DIAPH2: variants seen among roughly 807,000 people sequenced by gnomAD.
DIAPH2 encodes protein diaphanous homolog 2.
A neutral mutation model predicts 92.7 loss-of-function variants in DIAPH2; 35 were observed. The ratio of observed to expected loss-of-function variants is 0.38; its 90% CI spans 0.29 to 0.50. DIAPH2 has a LOEUF of 0.50. Among genes scored for constraint, DIAPH2 ranks in the 20% least tolerant of loss-of-function variants. The probability of loss-of-function intolerance (pLI) is 0.94; values close to 1 mark genes in which losing one functional copy is unlikely to be tolerated. For missense variants in DIAPH2, 701 were observed against 819.5 expected, an observed-to-expected ratio of 0.86 and a Z score of 1.77; for synonymous variants, 301 against 280.4, an observed-to-expected ratio of 1.07 and a Z score of -0.73.
At chrX:97,343,160 A>G (rs1242900741) in intron 23 of DIAPH2, among the ~76,000 whole-genome samples, 1 of 111,869 alleles carries the variant, frequency 8.9e-6, no homozygotes, top group Non-Finnish European at 1.9e-5. Context: ...ATATCAACAG[A>G]TACCATTTTT....
intron 17 of DIAPH2, among the ~76,000 whole-genome samples, chrX:97,046,834 T>C (rs2066487330): frequency 9.0e-6 from 1 of 111,099 alleles, no homozygotes; most frequent in African/African-American, 3.3e-5. Context: ...TCATTGACAT[T>C]TAATAATTGG....
At chrX:97,384,083 G>T in intron 25 of DIAPH2, 39 bp downstream of exon 25, 1 of 1,049,802 alleles carries the variant, frequency 9.5e-7, no homozygotes, top group Non-Finnish European at 1.3e-6. Flanking sequence ...AATGCAAGAA[G>T]TACAAAATAA....
intron 17 of DIAPH2, among the ~76,000 whole-genome samples, chrX:97,019,201 G>A (rs5921187): frequency 0.036 from 4,046 of 111,715 alleles, 89 homozygotes; most frequent in Middle Eastern, 0.084. Context: ...TGTGTGTGTG[G>A]ATATAAGTTT....
At chrX:97,499,768 TA>T (rs1320806050) in intron 26 of DIAPH2, among the ~76,000 whole-genome samples, 1 of 112,367 alleles carries the variant, frequency 8.9e-6, no homozygotes, top group African/African-American at 3.2e-5. Context: ...TATGCAGCCA[TA>T]AAAAAGATAA....
At chrX:97,308,608 C>T (rs1166696988) in intron 23 of DIAPH2, among the ~76,000 whole-genome samples, 1 of 89,210 alleles carries the variant, frequency 1.1e-5, no homozygotes, top group African/African-American at 3.9e-5. Flanking sequence ...CATGGTGAAA[C>T]CCCATCTTTT....
intron 23 of DIAPH2, among the ~76,000 whole-genome samples, chrX:97,330,002 G>A (rs1027133781): frequency 4.7e-5 from 5 of 106,192 alleles, no homozygotes; most frequent in Non-Finnish European, 7.7e-5. Flanking sequence ...GGGAGAAGGA[G>A]AAAGTCACTG....
At chrX:96,727,943 G>T (rs1301820793) in intron 1 of DIAPH2, among the ~76,000 whole-genome samples, 2 of 107,339 alleles carry the variant, frequency 1.9e-5, no homozygotes, top group African/African-American at 6.8e-5. Context: ...TACTCGGGAG[G>T]CTGAGGCAGG....
chrX:97,188,791 AT>A (rs1224878859), intron 22 of DIAPH2, among the ~76,000 whole-genome samples: 1 of 112,386 alleles, frequency 8.9e-6, no homozygotes, highest in Non-Finnish European at 1.9e-5. Flanking sequence ...TTAAAAAATA[AT>A]TTTTAAATGG....
At chrX:97,235,601 C>CA (rs10563336) in intron 22 of DIAPH2, among the ~76,000 whole-genome samples, 1,757 of 53,264 alleles carry the variant, frequency 0.033, 61 homozygotes, top group African/African-American at 0.097. Flanking sequence ...GAGACTACGT[C>CA]AAAAAAAAAA....
At chrX:96,720,929 A>G (rs1397383109) in intron 1 of DIAPH2, among the ~76,000 whole-genome samples, 1 of 111,710 alleles carries the variant, frequency 9.0e-6, no homozygotes, top group Non-Finnish European at 1.9e-5. Context: ...GTAACATGTT[A>G]TACATGTGAC....
chrX:97,127,344 A>C (rs1181839144), intron 21 of DIAPH2, among the ~76,000 whole-genome samples: 12 of 112,149 alleles, frequency 1.1e-4, no homozygotes, highest in Non-Finnish European at 2.3e-4. Flanking sequence ...AGATTTAAGC[A>C]ACTAGCTAGA....
intron 5 of DIAPH2, among the ~76,000 whole-genome samples, chrX:96,896,275 T>C (rs1175923567): frequency 1.8e-5 from 2 of 112,065 alleles, no homozygotes; most frequent in Non-Finnish European, 3.8e-5. Flanking sequence ...CCATTGGTGA[T>C]ATTTTTAATA....
At chrX:96,957,018 T>A (rs1204324984) in intron 15 of DIAPH2, among the ~76,000 whole-genome samples, 1 of 112,772 alleles carries the variant, frequency 8.9e-6, no homozygotes, top group Non-Finnish European at 1.9e-5. Context: ...GGTAACTTTT[T>A]TTTTATTTTA....
chrX:97,384,137 A>T, intron 25 of DIAPH2, 93 bp downstream of exon 25: 1 of 785,919 alleles, frequency 1.3e-6, no homozygotes, highest in Non-Finnish European at 1.8e-6. Flanking sequence ...TTTTCATAGA[A>T]AATTCACAAT....
intron 4 of DIAPH2, among the ~76,000 whole-genome samples, chrX:96,772,303 G>A (rs977816490): frequency 2.9e-4 from 32 of 111,712 alleles, no homozygotes; most frequent in African/African-American, 1.0e-3. Context: ...CGTGTTATAT[G>A]TATTTCTGTA....
chrX:96,906,922 T>C (rs1188005485), intron 5 of DIAPH2, among the ~76,000 whole-genome samples: 1 of 111,851 alleles, frequency 8.9e-6, no homozygotes, highest in Non-Finnish European at 1.9e-5. Flanking sequence ...GCTTCCTTTT[T>C]AGTCTCCAGA....
At chrX:97,085,856 T>C (rs1159618037) in intron 19 of DIAPH2, among the ~76,000 whole-genome samples, 2 of 112,050 alleles carry the variant, frequency 1.8e-5, no homozygotes, top group East Asian at 5.6e-4. Context: ...CTAACAAAGC[T>C]AGATGGCAGT....
intron 26 of DIAPH2, among the ~76,000 whole-genome samples, chrX:97,577,657 T>C (rs929645190): frequency 8.9e-6 from 1 of 111,814 alleles, no homozygotes; most frequent in African/African-American, 3.3e-5. Context: ...ATAGATGTGT[T>C]TGTGGAACAG....
At chrX:96,885,647 C>T (rs1431289933) in intron 5 of DIAPH2, among the ~76,000 whole-genome samples, 2 of 110,651 alleles carry the variant, frequency 1.8e-5, no homozygotes, top group Non-Finnish European at 3.8e-5. Flanking sequence ...GTGATTTGCT[C>T]TTATTACTAT....
Sources: gnomAD v4.1 joint callset for allele counts (sites outside exome capture counted in the v4.1 genomes callset) on GRCh38, gnomAD v4.1.1 for gene constraint, MANE v1.5 for transcripts, NCBI Gene and HGNC (gene_info 2026-07-23, HGNC 2026-07-21) for gene names.